DAAM1: variants seen among roughly 807,000 people sequenced by gnomAD.
The protein encoded by DAAM1 is dishevelled associated activator of morphogenesis 1.
In DAAM1, 52 loss-of-function variants were observed where a neutral mutation model predicts 130.0. That is an observed-to-expected ratio of 0.40 (90% CI 0.32 to 0.50). The LOEUF is 0.50. Among genes scored for constraint, DAAM1 ranks in the 20% least tolerant of loss-of-function variants. DAAM1 has a pLI of 0.61. For synonymous variants in DAAM1, 452 were observed against 444.5 expected (o/e 1.02, Z -0.21); for missense variants, 1,134 against 1,303.8 (o/e 0.87, Z 2.01).
At chr14:59,328,713 G>A (rs1372623188) in intron 12 of DAAM1, among the ~76,000 whole-genome samples, 1 of 152,170 alleles carries the variant, frequency 6.6e-6, no homozygotes, top group African/African-American at 2.4e-5. Context: ...CATAGTGTCT[G>A]GCACATACTA....
chr14:59,248,306 ATGTTTTGTTTTGTTTTGTTT>A (rs6145363), intron 1 of DAAM1, among the ~76,000 whole-genome samples: 54,234 of 150,268 alleles, frequency 0.36, 10,320 homozygotes, highest in East Asian at 0.49. Context: ...CTGTGGAATG[ATGTTTTGTTTTGTTTTGTTT>A]TGTTTTGTTT....
chr14:59,233,426 A>G (rs954774875), intron 1 of DAAM1, among the ~76,000 whole-genome samples: 3 of 152,198 alleles, frequency 2.0e-5, no homozygotes, highest in Non-Finnish European at 4.4e-5. Flanking sequence ...TGTTGGCTGC[A>G]TAAATGTCTT....
At chr14:59,233,399 G>T (rs967348464) in intron 1 of DAAM1, among the ~76,000 whole-genome samples, 1 of 152,120 alleles carries the variant, frequency 6.6e-6, no homozygotes, top group African/African-American at 2.4e-5. Flanking sequence ...GTGATGATGA[G>T]ATTTTTTTCC....
intron 18 of DAAM1, 47 bp from the exon 19 acceptor site, chr14:59,353,829 C>G (rs759107461): frequency 6.4e-7 from 1 of 1,574,720 alleles, no homozygotes; most frequent in Non-Finnish European, 8.7e-7. Context: ...TTAAGTGAAC[C>G]TAGATATATT....
chr14:59,255,992 T>A (rs558774594), intron 1 of DAAM1, among the ~76,000 whole-genome samples: 8 of 144,632 alleles, frequency 5.5e-5, no homozygotes, highest in African/African-American at 1.5e-4. Flanking sequence ...ATATCTTGAC[T>A]GCCATTTCCA....
chr14:59,280,515 T>G (rs1194598659), intron 2 of DAAM1, among the ~76,000 whole-genome samples: 1 of 148,140 alleles, frequency 6.8e-6, no homozygotes, highest in Non-Finnish European at 1.5e-5. Context: ...CCCCATCTTC[T>G]CTACTTTCTG....
At position 59,369,296 on chromosome 14, in the gene DAAM1, TTTAAAATTATTTTCA is replaced by T. The variant is rs1887051204; in HGVS notation, c.*440_*454del. 1 of 153,454 alleles carries T rather than the reference TTTAAAATTATTTTCA, an allele frequency of 6.5e-6. No individual in the cohort carries two copies. The highest frequency in any genetic ancestry group is 1.9e-4 in the East Asian group (1 of 5,224). The allele number at this position is 153,454 out of a possible 1,614,324, so 9.5% of individuals were successfully genotyped here. A position where few individuals can be genotyped will look rare whatever the true frequency, so the allele number is the denominator to read the frequency against. ...TTTATGGTTTCCAAGCTTGATATCCTTTAAAATTATTTTCATTGATGGAACTGGAGTTGTTGGAAA... is the reference window on the plus strand; with the variant it reads ...TTTATGGTTTCCAAGCTTGATATCCTTTGATGGAACTGGAGTTGTTGGAAA... On this transcript the variant is annotated 3_prime_UTR_variant, in exon 25 of 25. Coordinates refer to ENST00000360909, the MANE Select transcript of DAAM1 (RefSeq NM_001270520.2).
intron 1 of DAAM1, among the ~76,000 whole-genome samples, chr14:59,252,572 GC>G (rs1398853628): frequency 6.6e-6 from 1 of 152,174 alleles, no homozygotes; most frequent in Non-Finnish European, 1.5e-5. Context: ...GATGACAACT[GC>G]CCTATAGAGA....
intron 12 of DAAM1, 71 bp downstream of exon 12, chr14:59,327,062 G>T: frequency 6.4e-7 from 1 of 1,552,222 alleles, no homozygotes; most frequent in Non-Finnish European, 8.8e-7. Flanking sequence ...ATATATTTTG[G>T]AAATTTACAT....
chr14:59,359,548 T>C (rs1410327714), intron 21 of DAAM1, 44 bp downstream of exon 21: 1 of 1,494,262 alleles, frequency 6.7e-7, no homozygotes. Flanking sequence ...TCACTTGGAT[T>C]GTGTGTTAGC....
At chr14:59,330,074 A>G (rs1029889545) in intron 12 of DAAM1, among the ~76,000 whole-genome samples, 1 of 152,244 alleles carries the variant, frequency 6.6e-6, no homozygotes, top group Non-Finnish European at 1.5e-5. Context: ...AACCTAATTC[A>G]TAAAAGCTGA....
intron 2 of DAAM1, among the ~76,000 whole-genome samples, chr14:59,272,631 A>G (rs1882768432): frequency 7.5e-6 from 1 of 133,524 alleles, no homozygotes; most frequent in African/African-American, 3.0e-5. Flanking sequence ...ACACACACAC[A>G]TACACACATA....
intron 2 of DAAM1, among the ~76,000 whole-genome samples, chr14:59,279,821 T>C (rs1381531647): frequency 1.3e-5 from 2 of 152,166 alleles, no homozygotes; most frequent in African/African-American, 2.4e-5. Flanking sequence ...AGGAGAAATA[T>C]TCTTAATATA....
intron 1 of DAAM1, among the ~76,000 whole-genome samples, chr14:59,256,827 C>T (rs1881911243): frequency 6.6e-6 from 1 of 152,214 alleles, no homozygotes; most frequent in African/African-American, 2.4e-5. Context: ...TTTTCTTCGT[C>T]TGTGTCTCCA....
At chr14:59,310,141 TGC>T (rs1884528001) in intron 3 of DAAM1, among the ~76,000 whole-genome samples, 1 of 150,180 alleles carries the variant, frequency 6.7e-6, no homozygotes. Flanking sequence ...GACAGGGTCT[TGC>T]TCTGTGGCCC....
intron 1 of DAAM1, among the ~76,000 whole-genome samples, chr14:59,197,542 CT>C (rs2139386588): frequency 6.6e-6 from 1 of 152,360 alleles, no homozygotes; most frequent in South Asian, 2.1e-4. Flanking sequence ...TGGAAATACT[CT>C]GACCCATTTA....
At chr14:59,259,539 C>T (rs567267299) in intron 1 of DAAM1, among the ~76,000 whole-genome samples, 39 of 152,304 alleles carry the variant, frequency 2.6e-4, no homozygotes, top group Non-Finnish European at 5.0e-4. Context: ...CACAGTCATA[C>T]AGACCTTGTC....
chr14:59,291,159 G>A lies in DAAM1; in HGVS notation c.184-58G>A, dbSNP rs186531490. On this transcript the variant is annotated intron_variant, in intron 2 of 24. Coordinates refer to ENST00000360909, the MANE Select transcript of DAAM1 (RefSeq NM_001270520.2). Reference sequence around the variant, plus strand: ...TTTCTTCCTTGATGATACTGATAACGTTCTCTACAGGAATAATGTTTATCC... The same window carrying A: ...TTTCTTCCTTGATGATACTGATAACATTCTCTACAGGAATAATGTTTATCC... 499 of 1,377,350 alleles carry A rather than the reference G, an allele frequency of 3.6e-4. 5 individuals are homozygous for A. The African/African-American group carries it at 5.9e-3, about 16-fold the overall frequency. 85.3% of individuals were successfully genotyped at this position (1,377,350 alleles called of 1,614,324 possible). A position where few individuals can be genotyped will look rare whatever the true frequency, so the allele number is the denominator to read the frequency against.
chr14:59,326,404 A>G, intron 10 of DAAM1, 106 bp from the exon 11 acceptor site: 2 of 1,171,280 alleles, frequency 1.7e-6, no homozygotes, highest in Non-Finnish European at 2.4e-6. Flanking sequence ...AGATGTTATA[A>G]ACATCTCTGG....
Sources: gnomAD v4.1 joint callset for allele counts (sites outside exome capture counted in the v4.1 genomes callset) on GRCh38, gnomAD v4.1.1 for gene constraint, MANE v1.5 for transcripts, NCBI Gene and HGNC (gene_info 2026-07-23, HGNC 2026-07-21) for gene names.